NRCAM: variants seen among roughly 807,000 people sequenced by gnomAD.
The protein encoded by NRCAM is neuronal cell adhesion molecule, also known as NgCAM-related cell adhesion molecule.
NRCAM carries 83 observed loss-of-function variants against 156.5 expected under a neutral mutation model. The ratio of observed to expected loss-of-function variants is 0.53; its 90% CI spans 0.44 to 0.64. The LOEUF (loss-of-function observed/expected upper bound fraction) is 0.64. NRCAM is among the 30% of genes least tolerant of loss of function. The pLI is 0.00. For synonymous variants in NRCAM, 538 were observed against 563.9 expected (o/e 0.95, Z 0.65); for missense variants, 1,417 against 1,597.3 (o/e 0.89, Z 1.92).
At chr7:108,324,581 A>C (rs1357533201) in intron 2 of NRCAM, among the ~76,000 whole-genome samples, 1 of 152,128 alleles carries the variant, frequency 6.6e-6, no homozygotes, top group Admixed American at 6.5e-5. Context: ...GCTTTTCTTC[A>C]ACAGGCTCTG....
At chr7:108,442,492 G>GTA (rs1245164693) in intron 1 of NRCAM, among the ~76,000 whole-genome samples, 1 of 152,174 alleles carries the variant, frequency 6.6e-6, no homozygotes, top group African/African-American at 2.4e-5. Context: ...TTCCCAAGAT[G>GTA]TATTCTGTTG....
intron 1 of NRCAM, among the ~76,000 whole-genome samples, chr7:108,440,542 G>A (rs1295283292): frequency 6.6e-6 from 1 of 152,098 alleles, no homozygotes; most frequent in Non-Finnish European, 1.5e-5. Context: ...CATTAGTTGG[G>A]TTTTACTCCT....
chr7:108,278,529 G>A, intron 3 of NRCAM, among the ~76,000 whole-genome samples: 1 of 152,214 alleles, frequency 6.6e-6, no homozygotes, highest in South Asian at 2.1e-4. Flanking sequence ...TGCACTAGCA[G>A]TGAGCAATGC....
intron 3 of NRCAM, among the ~76,000 whole-genome samples, chr7:108,281,895 A>G (rs1167729895): frequency 1.3e-5 from 2 of 152,230 alleles, no homozygotes; most frequent in Non-Finnish European, 2.9e-5. Context: ...ATTAAACACA[A>G]TTGGGTGAAG....
At chr7:108,327,927 A>G (rs2099087250) in intron 2 of NRCAM, among the ~76,000 whole-genome samples, 1 of 152,188 alleles carries the variant, frequency 6.6e-6, no homozygotes. Flanking sequence ...TGCAGAAAAT[A>G]AGGGAGAATA....
chr7:108,337,508 T>C (rs1024673368), intron 2 of NRCAM, among the ~76,000 whole-genome samples: 1 of 152,180 alleles, frequency 6.6e-6, no homozygotes, highest in Non-Finnish European at 1.5e-5. Flanking sequence ...GAGGGGCCCA[T>C]TGCCACTCCC....
chr7:108,339,551 G>A (rs1218966633), intron 2 of NRCAM, among the ~76,000 whole-genome samples: 5 of 152,122 alleles, frequency 3.3e-5, no homozygotes, highest in African/African-American at 4.8e-5. Flanking sequence ...GAGCACAAAG[G>A]CAATGTTGGG....
At chr7:108,252,911 A>G (rs562255809) in intron 3 of NRCAM, among the ~76,000 whole-genome samples, 2 of 152,390 alleles carry the variant, frequency 1.3e-5, no homozygotes, top group Non-Finnish European at 2.9e-5. Flanking sequence ...CATGCTGAAC[A>G]TTTTAAGTGG....
intron 2 of NRCAM, among the ~76,000 whole-genome samples, chr7:108,319,879 A>T (rs979940560): frequency 1.3e-5 from 2 of 152,238 alleles, no homozygotes; most frequent in African/African-American, 4.8e-5. Context: ...GGAGCCCTGT[A>T]GTTCTTTCAG....
intron 2 of NRCAM, among the ~76,000 whole-genome samples, chr7:108,376,134 G>T (rs1481112823): frequency 6.6e-6 from 1 of 152,070 alleles, no homozygotes; most frequent in African/African-American, 2.4e-5. Flanking sequence ...GATATAATCT[G>T]GAGAGGCCCT....
chr7:108,410,322 T>C (rs887675431), intron 1 of NRCAM, among the ~76,000 whole-genome samples: 3 of 152,216 alleles, frequency 2.0e-5, no homozygotes, highest in Non-Finnish European at 4.4e-5. Context: ...GCAGTATGCA[T>C]TGATACTCAT....
In NRCAM at chr7:108,184,245, C is replaced by T; in HGVS notation, c.2300G>A (p.Trp767Ter). The T allele has an allele frequency of 6.2e-7, 1 of 1,613,538 alleles. No individual in the cohort carries two copies. Residue 767 changes from tryptophan to a stop codon, truncating the protein, a stop_gained, in exon 22 of 33, where the codon TGG becomes TAG. Coordinates refer to ENST00000379028, the MANE Select transcript of NRCAM (RefSeq NM_001037132.4). LOFTEE classifies it high-confidence loss of function. ...TTTGAAGGCATCATAGCTCACCTTC[C>T]ACGTAATCACCAAATTATCAGGCTC... ...GSEPDNLVIT[W>*]KPLNGFESNG...
chr7:108,207,435 C>A, intron 13 of NRCAM, 93 bp downstream of exon 13: 1 of 1,348,146 alleles, frequency 7.4e-7, no homozygotes, highest in Admixed American at 2.2e-5. Flanking sequence ...CCTTCCTTAA[C>A]CTGAGTTATT....
chr7:108,304,179 A>T (rs184730453), intron 3 of NRCAM, among the ~76,000 whole-genome samples: 2 of 152,200 alleles, frequency 1.3e-5, no homozygotes, highest in Admixed American at 1.3e-4. Flanking sequence ...TCCCCACTCA[A>T]GACATTGTGA....
At chr7:108,417,417 C>T (rs1307613531) in intron 1 of NRCAM, among the ~76,000 whole-genome samples, 1 of 152,106 alleles carries the variant, frequency 6.6e-6, no homozygotes. Context: ...GGGGGCCAAA[C>T]TCATCCTTTT....
At chr7:108,366,433 G>T (rs2154333190) in intron 2 of NRCAM, among the ~76,000 whole-genome samples, 1 of 152,300 alleles carries the variant, frequency 6.6e-6, no homozygotes, top group South Asian at 2.1e-4. Flanking sequence ...AAAAAGGTTA[G>T]ATATGAAGAT....
intron 2 of NRCAM, among the ~76,000 whole-genome samples, chr7:108,319,238 T>A (rs1249829380): frequency 1.3e-5 from 2 of 152,224 alleles, no homozygotes; most frequent in South Asian, 2.1e-4. Context: ...AGGAAAAAAA[T>A]TCAACTTATA....
intron 11 of NRCAM, among the ~76,000 whole-genome samples, chr7:108,217,345 G>A (rs544052397): frequency 6.6e-6 from 1 of 152,306 alleles, no homozygotes; most frequent in Non-Finnish European, 1.5e-5. Flanking sequence ...TCCTGTATGA[G>A]GTGTCTGTCG....
intron 3 of NRCAM, among the ~76,000 whole-genome samples, chr7:108,256,730 A>C (rs1177029265): frequency 6.6e-6 from 1 of 152,210 alleles, no homozygotes; most frequent in African/African-American, 2.4e-5. Flanking sequence ...GAAATGCAAA[A>C]GTATAGCCAG....
Sources: gnomAD v4.1 joint callset for allele counts (sites outside exome capture counted in the v4.1 genomes callset) on GRCh38, gnomAD v4.1.1 for gene constraint, MANE v1.5 for transcripts, NCBI Gene and HGNC (gene_info 2026-07-23, HGNC 2026-07-21) for gene names.